OMA1: variants seen among roughly 807,000 people sequenced by gnomAD.
OMA1 encodes the protein metalloendopeptidase OMA1, mitochondrial.
Under a neutral mutation model 30.9 loss-of-function variants are expected in OMA1, and 38 were observed. The observed-to-expected ratio is 1.23, with a 90% CI of 0.95 to 1.61. OMA1 has a LOEUF of 1.61. Among genes scored for constraint, OMA1 ranks in the 40% most tolerant of loss-of-function variants. OMA1 has a pLI of 0.00. For synonymous variants in OMA1, 173 were observed against 121.9 expected (o/e 1.42, Z -2.76); for missense variants, 461 against 349.2 (o/e 1.32, Z -2.55).
chr1:58,485,656 CTT>C (rs1461244759), intron 8 of OMA1, among the ~76,000 whole-genome samples: 1 of 151,722 alleles, frequency 6.6e-6, no homozygotes, highest in Non-Finnish European at 1.5e-5. Context: ...GCGCCAATGT[CTT>C]TTTATTTTTA....
chr1:58,508,137 G>T (rs1344152048), intron 7 of OMA1, among the ~76,000 whole-genome samples: 1 of 152,102 alleles, frequency 6.6e-6, no homozygotes, highest in Admixed American at 6.6e-5. Context: ...TATCCCTACA[G>T]ACTAGAAAGT....
chr1:58,501,538 C>T (rs1645906386), intron 8 of OMA1, among the ~76,000 whole-genome samples: 1 of 152,168 alleles, frequency 6.6e-6, no homozygotes, highest in Admixed American at 6.5e-5. Flanking sequence ...CCATTCCACC[C>T]ACACTGGTTT....
At chr1:58,533,650 T>C (rs1269283608) in intron 5 of OMA1, among the ~76,000 whole-genome samples, 1 of 152,154 alleles carries the variant, frequency 6.6e-6, no homozygotes, top group Non-Finnish European at 1.5e-5. Context: ...TATTAATAAT[T>C]ATAGAAAGTT....
At chr1:58,516,354 A>C (rs1466176921) in intron 7 of OMA1, among the ~76,000 whole-genome samples, 1 of 152,230 alleles carries the variant, frequency 6.6e-6, no homozygotes, top group South Asian at 2.1e-4. Flanking sequence ...TAATGACTGC[A>C]AAGTGTCAAA....
intron 8 of OMA1, among the ~76,000 whole-genome samples, chr1:58,491,064 C>T (rs906357523): frequency 1.8e-4 from 28 of 151,992 alleles, no homozygotes; most frequent in African/African-American, 6.5e-4. Context: ...ACCACAGCCT[C>T]CCAAAGTGCT....
At position 58,496,387 on chromosome 1, in the gene OMA1, C is replaced by T. The variant is rs149647338; in HGVS notation, c.1365+9673G>A. On this transcript the variant is annotated intron_variant, in intron 8 of 8. Transcript: ENST00000371226. ...CTTTCAGATTCTGTCACTTTCAGTG[C>T]AGTTAAATCAACCTTATCATGCCAG... Among the ~76,000 whole-genome samples, 67 of 152,268 alleles carry T rather than the reference C, an allele frequency of 4.4e-4. No homozygotes were observed. In the East Asian group the frequency reaches 0.012, roughly 26 times the overall value.
chr1:58,543,271 G>A (rs2100503223), intron 1 of OMA1, among the ~76,000 whole-genome samples: 1 of 152,286 alleles, frequency 6.6e-6, no homozygotes, highest in Non-Finnish European at 1.5e-5. Flanking sequence ...TAAATTGACA[G>A]CATTTTAATA....
At chr1:58,492,051 TATAAC>T (rs1327773368) in intron 8 of OMA1, among the ~76,000 whole-genome samples, 1 of 151,900 alleles carries the variant, frequency 6.6e-6, no homozygotes, top group African/African-American at 2.4e-5. Flanking sequence ...GAACAGAAAG[TATAAC>T]AAACTGTCTC....
intron 7 of OMA1, among the ~76,000 whole-genome samples, chr1:58,510,232 C>T (rs1390342336): frequency 1.3e-5 from 2 of 151,896 alleles, no homozygotes; most frequent in Non-Finnish European, 2.9e-5. Context: ...AAATTCTTAA[C>T]AAAATACTAG....
intron 3 of OMA1, among the ~76,000 whole-genome samples, chr1:58,534,833 G>C (rs1452364726): frequency 6.6e-6 from 1 of 152,210 alleles, no homozygotes; most frequent in Non-Finnish European, 1.5e-5. Flanking sequence ...CTACATGGGA[G>C]GCTGAAGTGG....
At chr1:58,541,293 CAAAAAAA>C (rs71043292) in intron 1 of OMA1, among the ~76,000 whole-genome samples, 24 of 27,560 alleles carry the variant, frequency 8.7e-4, no homozygotes, top group African/African-American at 2.3e-3. Context: ...GACTCTGTCT[CAAAAAAA>C]AAAAAAAAAA....
Position 58,480,867 on chromosome 1 carries a change from C to CTTTT in OMA1, c.*94_*97dup. The stretch of plus-strand genomic sequence containing the variant: ...TGTACATGATTTGACCCTGAATATC[C>CTTTT]TTTTTTTTTTCACTTCAAACATCAT... On this transcript the variant is annotated 3_prime_UTR_variant, in exon 9 of 9. Transcript: ENST00000371226. The CTTTT allele has an allele frequency of 1.6e-6, 1 of 610,550 alleles. No individual in the cohort carries two copies. Among genetic ancestry groups the CTTTT allele is most frequent in the Non-Finnish European group, 2.7e-6 (1 of 364,408 alleles). The allele number at this position is 610,550 out of a possible 1,614,324, so 37.8% of individuals were successfully genotyped here. A position where few individuals can be genotyped will look rare whatever the true frequency, so the allele number is the denominator to read the frequency against.
At chr1:58,543,648 C>T (rs1448414552) in intron 1 of OMA1, among the ~76,000 whole-genome samples, 2 of 152,126 alleles carry the variant, frequency 1.3e-5, no homozygotes, top group African/African-American at 4.8e-5. Flanking sequence ...TACAGTCCTA[C>T]CCTGGTAAAT....
chr1:58,489,412 C>T (rs1046321864), intron 8 of OMA1, among the ~76,000 whole-genome samples: 3 of 152,156 alleles, frequency 2.0e-5, no homozygotes, highest in Non-Finnish European at 4.4e-5. Flanking sequence ...CCTGCCATTG[C>T]CGAGGCTTGA....
chr1:58,535,691 C>G (rs1256747239), intron 3 of OMA1, among the ~76,000 whole-genome samples: 1 of 151,488 alleles, frequency 6.6e-6, no homozygotes. Context: ...CCACAGGGCA[C>G]ATAACATGTG....
At chr1:58,517,599 T>C (rs546142108) in intron 7 of OMA1, among the ~76,000 whole-genome samples, 6 of 152,340 alleles carry the variant, frequency 3.9e-5, no homozygotes, top group African/African-American at 1.4e-4. Flanking sequence ...GTATCTCCAA[T>C]TCATAATACT....
At chr1:58,532,832 A>C (rs1646456070) in intron 5 of OMA1, among the ~76,000 whole-genome samples, 1 of 152,216 alleles carries the variant, frequency 6.6e-6, no homozygotes, top group South Asian at 2.1e-4. Context: ...AGTCAAGAAA[A>C]ATGTTTTTAA....
At chr1:58,490,460 A>G (rs371479905) in intron 8 of OMA1, among the ~76,000 whole-genome samples, 7 of 152,166 alleles carry the variant, frequency 4.6e-5, no homozygotes, top group African/African-American at 9.7e-5. Flanking sequence ...CCAAATCTAC[A>G]TCTGATTGGT....
chr1:58,500,545 G>A (rs1224453842), intron 8 of OMA1, among the ~76,000 whole-genome samples: 1 of 152,154 alleles, frequency 6.6e-6, no homozygotes, highest in Non-Finnish European at 1.5e-5. Flanking sequence ...TATGAATGCA[G>A]CCACCAAGTG....
Sources: allele counts gnomAD v4.1 joint callset (sites outside exome capture counted in the v4.1 genomes callset), GRCh38; gene constraint gnomAD v4.1.1; transcripts MANE v1.5; gene names NCBI Gene and HGNC (gene_info 2026-07-23, HGNC 2026-07-21).